Variants in KALRN observed in about 807,000 individuals in gnomAD.
KALRN encodes the protein kalirin RhoGEF kinase, also known as kalirin.
Under a neutral mutation model 353.7 loss-of-function variants are expected in KALRN, and 70 were observed. The observed-to-expected ratio is 0.20, with a 90% CI of 0.16 to 0.24. The LOEUF is 0.24. Ranked by LOEUF, KALRN falls within the 10% of genes least tolerant of loss-of-function variation. The pLI is 1.00. For synonymous variants in KALRN, 1,391 were observed against 1,434.8 expected (o/e 0.97, Z 0.69); for missense variants, 2,791 against 3,756.7 (o/e 0.74, Z 6.72).
At chr3:124,573,302 T>C (rs921522850) in intron 34 of KALRN, among the ~76,000 whole-genome samples, 1 of 152,182 alleles carries the variant, frequency 6.6e-6, no homozygotes, top group Non-Finnish European at 1.5e-5. Context: ...AATTGATTAA[T>C]AGCACTTAAA....
chr3:124,603,678 G>A lies in KALRN; in HGVS notation c.5183-28742G>A, dbSNP rs779708963. Among the ~76,000 whole-genome samples, 118 of 152,106 alleles carry A rather than the reference G, an allele frequency of 7.8e-4. 2 individuals are homozygous for A. The highest frequency in any genetic ancestry group is 2.5e-4 in the Non-Finnish European group (17 of 68,028). On this transcript the variant is annotated intron_variant, in intron 34 of 59. Coordinates refer to ENST00000682506, the MANE Select transcript of KALRN (RefSeq NM_001388419.1). ...CTCCCCACAACTCTCCCACGAGCAT[G>A]GATATTAAAAATGTGTGTCCTTGCT... is the stretch of plus-strand genomic sequence containing the variant.
At chr3:124,508,569 A>G (rs1272533566) in intron 33 of KALRN, among the ~76,000 whole-genome samples, 1 of 152,156 alleles carries the variant, frequency 6.6e-6, no homozygotes, top group Non-Finnish European at 1.5e-5. Context: ...TCCATTCTGT[A>G]CATGCAATGT....
At chr3:124,258,096 C>A (rs2072298829) in intron 3 of KALRN, among the ~76,000 whole-genome samples, 1 of 152,168 alleles carries the variant, frequency 6.6e-6, no homozygotes, top group African/African-American at 2.4e-5. Context: ...AGAGGGCAGG[C>A]TGGGGAGCAG....
At chr3:124,582,816 T>C (rs2074761080) in intron 34 of KALRN, among the ~76,000 whole-genome samples, 1 of 152,010 alleles carries the variant, frequency 6.6e-6, no homozygotes, top group Admixed American at 6.5e-5. Flanking sequence ...TTGCCCAGGC[T>C]GGAGTGCAGC....
intron 11 of KALRN, among the ~76,000 whole-genome samples, chr3:124,392,611 CT>C (rs35158681): frequency 8.7e-4 from 94 of 107,696 alleles, no homozygotes; most frequent in South Asian, 3.3e-3. Context: ...TTCTTTCTTT[CT>C]TTTTTTTTTT....
At chr3:124,333,343 G>T (rs191899207) in intron 8 of KALRN, among the ~76,000 whole-genome samples, 108 of 152,210 alleles carry the variant, frequency 7.1e-4, no homozygotes, top group African/African-American at 2.5e-3. Context: ...TTCTAAATAC[G>T]GTATGTGTGT....
intron 17 of KALRN, among the ~76,000 whole-genome samples, chr3:124,437,509 G>T (rs1385954520): frequency 6.6e-6 from 1 of 152,048 alleles, no homozygotes; most frequent in East Asian, 1.9e-4. Context: ...GACAAACATG[G>T]TGAAACCCTG....
At chr3:124,707,567 G>T (rs2062695712) in intron 57 of KALRN, among the ~76,000 whole-genome samples, 1 of 151,942 alleles carries the variant, frequency 6.6e-6, no homozygotes, top group Admixed American at 6.6e-5. Context: ...GAACTATGTA[G>T]CATGCACAAA....
At chr3:124,427,169 A>C (rs1232256870) in intron 15 of KALRN, among the ~76,000 whole-genome samples, 3 of 152,244 alleles carry the variant, frequency 2.0e-5, no homozygotes, top group African/African-American at 7.2e-5. Flanking sequence ...TAGATCCAAA[A>C]GAGGGGCAGC....
At position 124,264,541 on chromosome 3, in the gene KALRN, C is replaced by T. The variant is rs1220317537; in HGVS notation, c.307C>T (p.Arg103Trp). ...TGGCTTCACTGTCATCATCGACATGCGGGGCTCCAAGTGGGACCTCATCAA... is the reference window on the plus strand; with the variant it reads ...TGGCTTCACTGTCATCATCGACATGTGGGGCTCCAAGTGGGACCTCATCAA... The part of the protein sequence containing the change: ...KRGFTVIIDM[R>W]GSKWDLIKPL... The change falls in exon 4 of 60, where the codon CGG becomes TGG. Residue 103 changes from arginine (R) to tryptophan (W), a missense_variant. This residue lies in a region of KALRN where 110 missense variants were observed against 204.1 expected (regional missense o/e 0.54). Transcript: ENST00000682506. 1.2e-6 allele frequency: 2 copies of T among 1,613,874 alleles called. No homozygotes were observed. The highest frequency in any genetic ancestry group is 1.7e-6 in the Non-Finnish European group (2 of 1,179,962).
chr3:124,228,146 T>C, intron 2 of KALRN, 82 bp downstream of exon 2: 1 of 1,135,556 alleles, frequency 8.8e-7, no homozygotes, highest in Non-Finnish European at 1.3e-6. Context: ...ACTTGTGTGT[T>C]AGTAGGGGAG....
At chr3:124,554,205 A>T (rs1373377475) in intron 33 of KALRN, among the ~76,000 whole-genome samples, 1 of 152,106 alleles carries the variant, frequency 6.6e-6, no homozygotes, top group Non-Finnish European at 1.5e-5. Flanking sequence ...AAAATACTAA[A>T]ATTAGCCAGG....
At chr3:124,322,391 C>G (rs559933344) in intron 6 of KALRN, among the ~76,000 whole-genome samples, 1 of 152,332 alleles carries the variant, frequency 6.6e-6, no homozygotes, top group Non-Finnish European at 1.5e-5. Flanking sequence ...GGGACCAAAA[C>G]TCATGACTCT....
At chr3:124,387,222 A>C (rs2149972176) in intron 11 of KALRN, among the ~76,000 whole-genome samples, 2 of 152,304 alleles carry the variant, frequency 1.3e-5, no homozygotes, top group East Asian at 3.9e-4. Flanking sequence ...ATATCTCTCA[A>C]ATCTTGCTAA....
chr3:124,247,542 A>T (rs1359461228), intron 3 of KALRN, among the ~76,000 whole-genome samples: 1 of 152,200 alleles, frequency 6.6e-6, no homozygotes, highest in East Asian at 1.9e-4. Context: ...ATAAAATCAA[A>T]TTTAAAAAAA....
At chr3:124,488,454 C>T in intron 29 of KALRN, 139 bp downstream of exon 29, 2 of 648,708 alleles carry the variant, frequency 3.1e-6, no homozygotes, top group Non-Finnish European at 5.5e-6. Context: ...TTACATAGGC[C>T]CTTGTCATGT....
At chr3:124,153,773 G>T (rs1451073489) in intron 1 of KALRN, among the ~76,000 whole-genome samples, 1 of 151,782 alleles carries the variant, frequency 6.6e-6, no homozygotes, top group East Asian at 1.9e-4. Context: ...ATCCTCTCCA[G>T]CACCTGTTGT....
chr3:124,282,379 C>CTTTTTTTTT (rs34148546), intron 5 of KALRN, among the ~76,000 whole-genome samples: 4 of 134,794 alleles, frequency 3.0e-5, no homozygotes, highest in Non-Finnish European at 4.7e-5. Flanking sequence ...CTACATTTTT[C>CTTTTTTTTT]TTTTTTTTTT....
intron 1 of KALRN, 42 bp from the exon 2 acceptor site, chr3:124,227,948 G>T (rs1283140712): frequency 6.6e-7 from 1 of 1,523,416 alleles, no homozygotes; most frequent in Non-Finnish European, 9.1e-7. Flanking sequence ...TCAGCCAGCT[G>T]GCTCCTCTCA....
Sources: allele counts gnomAD v4.1 joint callset (sites outside exome capture counted in the v4.1 genomes callset), GRCh38; gene constraint gnomAD v4.1.1; regional missense constraint gnomAD v4.1.1; transcripts MANE v1.5; gene names NCBI Gene and HGNC (gene_info 2026-07-23, HGNC 2026-07-21).